NCOA2: variants seen among roughly 807,000 people sequenced by gnomAD.
The protein encoded by NCOA2 is class E basic helix-loop-helix protein 75.
A neutral mutation model predicts 145.1 loss-of-function variants in NCOA2; 21 were observed. The observed-to-expected ratio is 0.14, with a 90% CI of 0.10 to 0.21. NCOA2 has a LOEUF of 0.21. Among genes scored for constraint, NCOA2 ranks in the 10% least tolerant of loss-of-function variants. NCOA2 has a pLI of 1.00. For synonymous variants in NCOA2, 619 were observed against 637.5 expected, an observed-to-expected ratio of 0.97 and a Z score of 0.44; for missense variants, 1,472 against 1,837.6, an observed-to-expected ratio of 0.80 and a Z score of 3.64.
intron 11 of NCOA2, among the ~76,000 whole-genome samples, chr8:70,155,530 T>C (rs1301374058): frequency 6.6e-6 from 1 of 152,232 alleles, no homozygotes; most frequent in Admixed American, 6.5e-5. Flanking sequence ...TAAGAATGAA[T>C]TTACATTTTT....
Position 70,124,696 on chromosome 8 carries a change from G to A in NCOA2, c.4086C>T (p.Gly1362=), listed in dbSNP as rs1262405635. The part of the protein sequence containing the change: ...DINGWAQGNM[G]GNSMFSQQSP... ...GAAGGATTTGCGGTTACCTGTTTCCGCCCATGTTCCCCTGCGCCCATCCAT... is the reference window on the plus strand; with the variant it reads ...GAAGGATTTGCGGTTACCTGTTTCCACCCATGTTCCCCTGCGCCCATCCAT... Residue 1362 remains glycine, a synonymous_variant, in exon 20 of 23, where the codon GGC becomes GGT. Coordinates refer to ENST00000452400, the MANE Select transcript of NCOA2 (RefSeq NM_006540.4). The A allele has an allele frequency of 4.1e-5, 65 of 1,603,088 alleles. No individual in the cohort carries two copies. Among genetic ancestry groups the A allele is most frequent in the Non-Finnish European group, 5.2e-5 (61 of 1,176,292 alleles).
chr8:70,426,390 A>G, the NCOA2 span, among the ~76,000 whole-genome samples: 1 of 152,272 alleles, frequency 6.6e-6, no homozygotes, highest in Non-Finnish European at 1.5e-5. Context: ...CACTTTATAT[A>G]TTTAATTTTA....
chr8:70,393,965 T>C (rs1174360152), intron 1 of NCOA2, among the ~76,000 whole-genome samples: 4 of 152,188 alleles, frequency 2.6e-5, no homozygotes, highest in African/African-American at 2.4e-5. Context: ...CATTTTTTGG[T>C]ATTACATGTA....
chr8:70,186,006 G>A (rs773639180), intron 4 of NCOA2, among the ~76,000 whole-genome samples: 7 of 151,632 alleles, frequency 4.6e-5, no homozygotes, highest in Non-Finnish European at 7.4e-5. Context: ...TAGAAACTAC[G>A]TATAGGAATG....
intron 1 of NCOA2, among the ~76,000 whole-genome samples, chr8:70,393,443 C>T (rs902218480): frequency 1.3e-5 from 2 of 152,102 alleles, no homozygotes; most frequent in African/African-American, 4.8e-5. Flanking sequence ...TGAGACTTGT[C>T]CCATCCTCTA....
At chr8:70,451,957 G>A in the NCOA2 span, among the ~76,000 whole-genome samples, 1 of 151,196 alleles carries the variant, frequency 6.6e-6, no homozygotes, top group East Asian at 1.9e-4. Flanking sequence ...GGCATTTAAG[G>A]TGTTTGTTTG....
intron 1 of NCOA2, among the ~76,000 whole-genome samples, chr8:70,359,915 T>C (rs1188067391): frequency 1.3e-5 from 2 of 152,210 alleles, no homozygotes; most frequent in African/African-American, 4.8e-5. Context: ...CATTTCATCT[T>C]GCTTAATTCT....
chr8:70,211,279 T>C (rs891670345), intron 4 of NCOA2, among the ~76,000 whole-genome samples: 3 of 151,920 alleles, frequency 2.0e-5, no homozygotes, highest in African/African-American at 4.8e-5. Flanking sequence ...GCCAACATGG[T>C]GAAACCCCTT....
intron 1 of NCOA2, among the ~76,000 whole-genome samples, chr8:70,325,204 C>G (rs1049562993): frequency 6.6e-6 from 1 of 152,148 alleles, no homozygotes; most frequent in Non-Finnish European, 1.5e-5. Flanking sequence ...GAACACAAAT[C>G]TTCGTCTGGT....
At chr8:70,435,257 C>G in the NCOA2 span, among the ~76,000 whole-genome samples, 1 of 150,120 alleles carries the variant, frequency 6.7e-6, no homozygotes, top group East Asian at 1.9e-4. Context: ...AACCCCGTCT[C>G]TACTAAAAAT....
At chr8:70,448,801 C>T in the NCOA2 span, among the ~76,000 whole-genome samples, 1 of 122,350 alleles carries the variant, frequency 8.2e-6, no homozygotes, top group Non-Finnish European at 1.7e-5. Context: ...GACTTGTTGC[C>T]TGGCTTTTTT....
At chr8:70,382,344 C>T (rs776608595) in intron 1 of NCOA2, among the ~76,000 whole-genome samples, 1 of 152,020 alleles carries the variant, frequency 6.6e-6, no homozygotes, top group Non-Finnish European at 1.5e-5. Context: ...AATAAAGAAA[C>T]TGGCAATAAT....
At chr8:70,219,487 G>A (rs1819943649) in intron 2 of NCOA2, among the ~76,000 whole-genome samples, 1 of 152,176 alleles carries the variant, frequency 6.6e-6, no homozygotes, top group African/African-American at 2.4e-5. Flanking sequence ...CCACCAAGGG[G>A]AAAGTGGGGT....
intron 1 of NCOA2, among the ~76,000 whole-genome samples, chr8:70,389,793 C>G (rs937651708): frequency 6.6e-6 from 1 of 151,666 alleles, no homozygotes; most frequent in Non-Finnish European, 1.5e-5. Flanking sequence ...CTCAGCCTCC[C>G]GAGTAGCTGG....
chr8:70,392,432 GA>G (rs1813290004), intron 1 of NCOA2, among the ~76,000 whole-genome samples: 1 of 152,130 alleles, frequency 6.6e-6, no homozygotes, highest in South Asian at 2.1e-4. Context: ...CACAAAATAA[GA>G]AATTATTATT....
intron 11 of NCOA2, among the ~76,000 whole-genome samples, chr8:70,154,365 C>T (rs1267514890): frequency 1.3e-5 from 2 of 152,162 alleles, no homozygotes; most frequent in African/African-American, 2.4e-5. Context: ...CCCTAGGAAA[C>T]GTCTCATGCC....
chr8:70,327,150 T>C (rs1806662892), intron 1 of NCOA2, among the ~76,000 whole-genome samples: 1 of 152,188 alleles, frequency 6.6e-6, no homozygotes, highest in Non-Finnish European at 1.5e-5. Context: ...TCACTTTCCT[T>C]AAAACATAGG....
At chr8:70,376,499 C>T (rs1305181203) in intron 1 of NCOA2, among the ~76,000 whole-genome samples, 1 of 152,046 alleles carries the variant, frequency 6.6e-6, no homozygotes, top group African/African-American at 2.4e-5. Flanking sequence ...TGGTTATAAT[C>T]CACTAAAGTG....
chr8:70,438,051 A>G, the NCOA2 span, among the ~76,000 whole-genome samples: 5 of 152,160 alleles, frequency 3.3e-5, no homozygotes, highest in African/African-American at 1.2e-4. Flanking sequence ...GATTAGATAC[A>G]TTTTTCATTT....
Sources: gnomAD v4.1 joint callset for allele counts (sites outside exome capture counted in the v4.1 genomes callset) on GRCh38, gnomAD v4.1.1 for gene constraint, MANE v1.5 for transcripts, NCBI Gene and HGNC (gene_info 2026-07-23, HGNC 2026-07-21) for gene names.